The following PRKCH variants were observed in gnomAD, a reference collection of about 807,000 sequenced individuals.
PRKCH encodes the protein protein kinase C eta.
Under a neutral mutation model 82.5 loss-of-function variants are expected in PRKCH, and 28 were observed. That is an observed-to-expected ratio of 0.34 (90% CI 0.25 to 0.47). The LOEUF is 0.47. Ranked by LOEUF, PRKCH falls within the 20% of genes least tolerant of loss-of-function variation. PRKCH has a pLI of 1.00. For synonymous variants in PRKCH, 322 were observed against 327.4 expected, an observed-to-expected ratio of 0.98 and a Z score of 0.18; for missense variants, 705 against 881.8, an observed-to-expected ratio of 0.80 and a Z score of 2.54.
chr14:61,321,984 C>T lies in PRKCH; in HGVS notation c.-118C>T. Reference sequence around the variant, plus strand: ...CAGTCGAGGGGCGCTTAGGCGCTGCCTTTCCCCAGGGCTGCCTCGACTCCT... The same window carrying T: ...CAGTCGAGGGGCGCTTAGGCGCTGCTTTTCCCCAGGGCTGCCTCGACTCCT... On this transcript the variant is annotated 5_prime_UTR_variant, in exon 1 of 14. Coordinates refer to ENST00000332981, the MANE Select transcript of PRKCH (RefSeq NM_006255.5). The surrounding 1 kb of genome is among the most constrained non-coding windows in gnomAD (Gnocchi z 4.1). The T allele has an allele frequency of 8.5e-7, 1 of 1,175,430 alleles. No individual in the cohort carries two copies. The highest frequency in any genetic ancestry group is 1.6e-5 in the South Asian group (1 of 61,458). 72.8% of individuals were successfully genotyped at this position (1,175,430 alleles called of 1,614,324 possible). A position where few individuals can be genotyped will look rare whatever the true frequency, so the allele number is the denominator to read the frequency against.
intron 1 of PRKCH, among the ~76,000 whole-genome samples, chr14:61,288,089 C>T (rs975408347): frequency 3.3e-5 from 5 of 152,060 alleles, no homozygotes; most frequent in Admixed American, 2.6e-4. Flanking sequence ...TATATTCTAA[C>T]AGCCATAAAC....
intron 1 of PRKCH, among the ~76,000 whole-genome samples, chr14:61,247,735 CAAA>C (rs202153655): frequency 1.9e-4 from 10 of 52,716 alleles, no homozygotes; most frequent in East Asian, 7.5e-4. Flanking sequence ...GACTCCATCT[CAAA>C]AAAAAAAAAA....
chr14:61,252,370 T>C (rs1399416662), intron 1 of PRKCH, among the ~76,000 whole-genome samples: 1 of 152,190 alleles, frequency 6.6e-6, no homozygotes, highest in Non-Finnish European at 1.5e-5. Flanking sequence ...CCCACAGATT[T>C]GGGATCTGGT....
At chr14:61,199,374 G>A (rs368794176) in intron 1 of PRKCH, among the ~76,000 whole-genome samples, 2 of 152,278 alleles carry the variant, frequency 1.3e-5, no homozygotes, top group East Asian at 3.9e-4. Context: ...CAGACATCAA[G>A]GAACTAAGCT....
At chr14:61,201,283 A>G (rs1486996061) in intron 1 of PRKCH, among the ~76,000 whole-genome samples, 1 of 152,150 alleles carries the variant, frequency 6.6e-6, no homozygotes, top group Admixed American at 6.5e-5. Context: ...GGTAGGTATT[A>G]TTATCTCATT....
At chr14:61,388,498 G>A (rs1023857220) in intron 1 of PRKCH, among the ~76,000 whole-genome samples, 4 of 152,194 alleles carry the variant, frequency 2.6e-5, no homozygotes, top group Non-Finnish European at 4.4e-5. Context: ...GGGAGTTTAC[G>A]GGCTGGCTGT....
At chr14:61,514,432 TC>T (rs2042792505) in intron 10 of PRKCH, among the ~76,000 whole-genome samples, 1 of 151,750 alleles carries the variant, frequency 6.6e-6, no homozygotes, top group South Asian at 2.1e-4. Context: ...TCTAGACTGG[TC>T]TTGAAGGATT....
intron 1 of PRKCH, among the ~76,000 whole-genome samples, chr14:61,268,420 C>G (rs2045123294): frequency 6.6e-6 from 1 of 152,090 alleles, no homozygotes; most frequent in Admixed American, 6.5e-5. Flanking sequence ...AATCCCAGCA[C>G]TTTGGGGGGC....
At chr14:61,295,985 G>A (rs1004625641) in intron 1 of PRKCH, among the ~76,000 whole-genome samples, 5 of 152,042 alleles carry the variant, frequency 3.3e-5, no homozygotes, top group East Asian at 1.9e-4. Context: ...TGCCTGAAGC[G>A]GTCGGCTAGG....
intron 5 of PRKCH, 73 bp from the exon 6 acceptor site, chr14:61,450,769 C>A: frequency 6.5e-7 from 1 of 1,535,716 alleles, no homozygotes; most frequent in Non-Finnish European, 8.8e-7. Context: ...ATTTGATGGG[C>A]TCCTATTACA....
At chr14:61,220,256 A>T (rs1397414843) in intron 1 of PRKCH, among the ~76,000 whole-genome samples, 3 of 152,218 alleles carry the variant, frequency 2.0e-5, no homozygotes, top group Non-Finnish European at 4.4e-5. Flanking sequence ...TCTGTCAGGG[A>T]GCACAGTCTT....
At position 61,514,001 on chromosome 14, in the gene PRKCH, C is replaced by T. The variant is rs542236782; in HGVS notation, c.1434-15074C>T. ...AGACCAGAGTCCCTGCTTTCTAACT[C>T]GAGACAGTTCTTCTTCTTGTCCTTT... On this transcript the variant is annotated intron_variant, in intron 10 of 13. Transcript: ENST00000332981. Among the ~76,000 whole-genome samples, 100 of 152,196 alleles carry T rather than the reference C, an allele frequency of 6.6e-4. 1 individual carries two copies. The highest frequency in any genetic ancestry group is 2.2e-3 in the African/African-American group (91 of 41,480).
intron 1 of PRKCH, among the ~76,000 whole-genome samples, chr14:61,244,782 C>T (rs1047238847): frequency 6.6e-6 from 1 of 152,210 alleles, no homozygotes; most frequent in South Asian, 2.1e-4. Context: ...GTCTTCCAAC[C>T]TGTTACCTAT....
At chr14:61,501,018 T>G (rs2139950374) in intron 10 of PRKCH, among the ~76,000 whole-genome samples, 1 of 152,300 alleles carries the variant, frequency 6.6e-6, no homozygotes, top group African/African-American at 2.4e-5. Flanking sequence ...AAGTCAAACT[T>G]AGATTTAAAA....
chr14:61,368,539 C>G (rs2046327358), intron 1 of PRKCH, among the ~76,000 whole-genome samples: 1 of 152,018 alleles, frequency 6.6e-6, no homozygotes, highest in Non-Finnish European at 1.5e-5. Flanking sequence ...GCTCAGTAGG[C>G]CAGGGGTCAG....
chr14:61,257,730 CCTCT>C (rs1423614892), intron 1 of PRKCH, among the ~76,000 whole-genome samples: 1 of 151,700 alleles, frequency 6.6e-6, no homozygotes, highest in Non-Finnish European at 1.5e-5. Context: ...AACCTAGCTT[CCTCT>C]CTCTCTTTGC....
At chr14:61,220,973 T>G (rs139592539) in intron 1 of PRKCH, among the ~76,000 whole-genome samples, 78 of 152,272 alleles carry the variant, frequency 5.1e-4, no homozygotes, top group African/African-American at 1.8e-3. Context: ...ACTGTAGGGA[T>G]TTGAATCTTA....
intron 13 of PRKCH, among the ~76,000 whole-genome samples, chr14:61,549,183 G>A (rs1017040062): frequency 2.0e-5 from 3 of 152,188 alleles, no homozygotes; most frequent in African/African-American, 7.2e-5. Context: ...CATCTACCTA[G>A]AGAGTAAAAT....
At chr14:61,370,140 C>A (rs2046346315) in intron 1 of PRKCH, among the ~76,000 whole-genome samples, 1 of 151,878 alleles carries the variant, frequency 6.6e-6, no homozygotes, top group East Asian at 1.9e-4. Flanking sequence ...GACAAGGTTT[C>A]ACCATGTTGC....
Sources: gnomAD v4.1 joint callset for allele counts (sites outside exome capture counted in the v4.1 genomes callset) on GRCh38, gnomAD v4.1.1 for gene constraint, Gnocchi (gnomAD v3.1) non-coding constraint, MANE v1.5 for transcripts, NCBI Gene and HGNC (gene_info 2026-07-23, HGNC 2026-07-21) for gene names.